Variants in MYO19 observed in about 807,000 individuals in gnomAD.
The protein encoded by MYO19 is unconventional myosin-XIX.
Under a neutral mutation model 129.2 loss-of-function variants are expected in MYO19, and 132 were observed. That is an observed-to-expected ratio of 1.02 (90% CI 0.89 to 1.18). MYO19 has a LOEUF of 1.18. MYO19 is among the 50% of genes most tolerant of loss of function. The pLI, the probability that MYO19 is intolerant of heterozygous loss-of-function variation, is 0.00. For synonymous variants in MYO19, 531 were observed against 477.2 expected (o/e 1.11, Z -1.47); for missense variants, 1,210 against 1,216.7 (o/e 0.99, Z 0.08).
At chr17:36,504,782 G>A (rs2071761788) in intron 19 of MYO19, 2 of 204,726 alleles carry the variant, frequency 9.8e-6, no homozygotes, top group South Asian at 1.5e-4. Flanking sequence ...GTGTGGTGGT[G>A]CATACCTGTA....
At chr17:36,507,757 G>T in intron 15 of MYO19, 46 bp downstream of exon 15, 1 of 1,542,734 alleles carries the variant, frequency 6.5e-7, no homozygotes, top group Non-Finnish European at 8.8e-7. Context: ...GGAAGGGATT[G>T]AGGATCCAAA....
At chr17:36,505,176 G>A (rs370145377) in intron 19 of MYO19, 121 bp downstream of exon 19, 2 of 895,706 alleles carry the variant, frequency 2.2e-6, no homozygotes, top group East Asian at 2.4e-5. Context: ...CTCATGTCAG[G>A]CCTGGCCGGA....
chr17:36,514,491 C>T lies in MYO19; in HGVS notation c.675G>A (p.Val225=). 1 of 1,613,790 alleles carries T rather than the reference C, an allele frequency of 6.2e-7. No homozygotes were observed. The change falls in exon 9 of 26, where the codon GTG becomes GTA. Residue 225 remains valine, a synonymous_variant. Transcript: ENST00000614623. ...TCCTCTCACTGGAAGCCTGGCAGGC[C>T]ACTCGAGTTTTCTCTAGGAGGTAGG... The part of the protein sequence containing the change: ...VQTYLLEKTR[V]ACQASSERNF...
At chr17:36,527,517 A>C in intron 5 of MYO19, 34 bp downstream of exon 5, 1 of 1,603,368 alleles carries the variant, frequency 6.2e-7, no homozygotes, top group Non-Finnish European at 8.5e-7. Context: ...GAGGTAGAGG[A>C]GCCCTGAGGC....
chr17:36,498,497 T>G lies in MYO19; in HGVS notation c.2526A>C (p.Gln842His). Residue 842 changes from glutamine (Q) to histidine (H), a missense_variant, in exon 25 of 26, where the codon CAA (glutamine) becomes CAC (histidine). Transcript: ENST00000614623. ...GCGAGGTGCTCAGGGAACAGGGAGC[T>G]TGAGAGAAGTGTTTTTCTTCCACAC... ...LDGVEEKHFS[Q>H]APCSLSTSPL... The G allele has an allele frequency of 6.2e-7, 1 of 1,614,042 alleles. No individual in the cohort carries two copies. Among genetic ancestry groups the G allele is most frequent in the South Asian group, 1.1e-5 (1 of 91,088 alleles).
chr17:36,537,144 A>G (rs774171410), upstream of MYO19: 6 of 1,611,294 alleles, frequency 3.7e-6, no homozygotes, highest in East Asian at 8.9e-5. Flanking sequence ...CAGTAACCTC[A>G]ATGGAACCAC....
intron 25 of MYO19, 92 bp downstream of exon 25, chr17:36,498,174 C>T: frequency 4.9e-6 from 7 of 1,431,172 alleles, no homozygotes; most frequent in Non-Finnish European, 6.6e-6. Flanking sequence ...GGATCTTGTC[C>T]CAGCCTCAGT....
chr17:36,518,527 AATATATATATAT>A (rs1555581707), intron 6 of MYO19, among the ~76,000 whole-genome samples: 2 of 41,460 alleles, frequency 4.8e-5, no homozygotes, highest in Non-Finnish European at 4.0e-5. Flanking sequence ...AAAAAAAAAA[AATATATATATAT>A]ATATATATAT....
At position 36,513,467 on chromosome 17, in the gene MYO19, A is replaced by C. The variant is rs753700345; in HGVS notation, c.856T>G (p.Leu286Val). Residue 286 changes from leucine (L) to valine (V), a missense_variant, in exon 11 of 26, where the codon TTG (leucine) becomes GTG (valine). Coordinates refer to ENST00000614623, the MANE Select transcript of MYO19 (RefSeq NM_001163735.2). ...TTCTGGGTAGGGGTGTCAATGCCCA[A>C]ATGGAGCATGGCCTCTCTGGTCACC... Reference protein sequence around the residue: ...FEVTREAMLHLGIDTPTQNNI... With the variant: ...FEVTREAMLHVGIDTPTQNNI... 1.2e-6 allele frequency: 2 copies of C among 1,613,932 alleles called. No homozygotes were observed. The highest frequency in any genetic ancestry group is 2.2e-5 in the South Asian group (2 of 91,072).
At chr17:36,527,969 C>T (rs999659748) in intron 4 of MYO19, 95 bp downstream of exon 4, 2 of 1,498,708 alleles carry the variant, frequency 1.3e-6, no homozygotes, top group East Asian at 2.3e-5. Context: ...GGAGTCCTGC[C>T]GACCTCCGTC....
intron 1 of MYO19, among the ~76,000 whole-genome samples, chr17:36,542,809 C>G (rs888021823): frequency 1.3e-5 from 2 of 151,704 alleles, no homozygotes; most frequent in Middle Eastern, 3.2e-3. Flanking sequence ...TCCGCCTTCC[C>G]GGTTCAAGCG....
upstream of MYO19, chr17:36,538,450 T>C (rs770443806): frequency 6.2e-6 from 10 of 1,614,190 alleles, no homozygotes; most frequent in Non-Finnish European, 8.5e-6. Context: ...AAACAGTTAA[T>C]ATTTTTCTTG....
rs1169468696 is a variant in MYO19 at position 36,496,257 on chromosome 17, C to A, written c.2907G>T (p.Leu969=). The A allele has an allele frequency of 1.9e-6, 3 of 1,613,958 alleles. No homozygotes were observed. The highest frequency in any genetic ancestry group is 2.7e-5 in the African/African-American group (2 of 75,046). The change falls in exon 26 of 26, where the codon CTG becomes CTT. Residue 969 remains leucine (L), a synonymous_variant. Transcript: ENST00000614623. ...IHVTSSAFTG[L]G is the part of the protein sequence containing the mutation. ...GAAACAAAGGCACCAAGGATCACCC[C>A]AGCCCAGTGAAGGCAGAAGAGGTCA... is the stretch of plus-strand genomic sequence containing the variant.
intron 21 of MYO19, chr17:36,502,866 C>G (rs1599234846): frequency 1.7e-6 from 1 of 573,554 alleles, no homozygotes; most frequent in South Asian, 2.2e-5. Flanking sequence ...TTCCAGGAAG[C>G]CTTCCCCAAT....
At chr17:36,519,321 T>C (rs1225295409) in intron 6 of MYO19, among the ~76,000 whole-genome samples, 3 of 152,390 alleles carry the variant, frequency 2.0e-5, no homozygotes, top group East Asian at 3.9e-4. Flanking sequence ...TTTATCATTA[T>C]GAAATGTCTC....
At chr17:36,538,438 G>A, upstream of MYO19, 8 of 1,614,162 alleles carry the variant, frequency 5.0e-6, no homozygotes, top group Middle Eastern at 1.2e-3. Flanking sequence ...GCTCTAAACA[G>A]AAAACAGTTA....
chr17:36,543,452 C>A (rs1361720943), upstream of MYO19: 2 of 152,142 alleles, frequency 1.3e-5, no homozygotes, highest in Non-Finnish European at 2.9e-5. Flanking sequence ...TGACCCCGGC[C>A]CAGAAGACAT....
At chr17:36,498,732 A>G (rs1001779823) in intron 24 of MYO19, 173 bp from the exon 25 acceptor site, 36 of 667,336 alleles carry the variant, frequency 5.4e-5, no homozygotes, top group Non-Finnish European at 8.8e-5. Context: ...AAGTCTATAC[A>G]CCCCAGGCAA....
At chr17:36,529,195 T>C (rs999448379) in intron 3 of MYO19, among the ~76,000 whole-genome samples, 9 of 152,050 alleles carry the variant, frequency 5.9e-5, no homozygotes, top group African/African-American at 2.2e-4. Context: ...AGTCTTGCTC[T>C]GCTACCCAGG....
Sources: allele counts gnomAD v4.1 joint callset (sites outside exome capture counted in the v4.1 genomes callset), GRCh38; gene constraint gnomAD v4.1.1; transcripts MANE v1.5; gene names NCBI Gene and HGNC (gene_info 2026-07-23, HGNC 2026-07-21).